The following HAUS6 variants were observed in gnomAD, a reference collection of about 807,000 sequenced individuals.
The protein encoded by HAUS6 is HAUS augmin like complex subunit 6, also known as HAUS augmin-like complex subunit 6.
In HAUS6, 80 loss-of-function variants were observed where a neutral mutation model predicts 106.8. The observed-to-expected ratio is 0.75, with a 90% CI of 0.63 to 0.90. The LOEUF is 0.90. HAUS6 is among the 40% of genes least tolerant of loss of function. The pLI is 0.00. For synonymous variants in HAUS6, 356 were observed against 379.1 expected, an observed-to-expected ratio of 0.94 and a Z score of 0.71; for missense variants, 1,155 against 1,118.1, an observed-to-expected ratio of 1.03 and a Z score of -0.47.
chr9:19,059,445 T>C (rs754747908), intron 15 of HAUS6, among the ~76,000 whole-genome samples: 2 of 152,234 alleles, frequency 1.3e-5, no homozygotes, highest in Non-Finnish European at 2.9e-5. Flanking sequence ...TTATGTTCAA[T>C]ACAATTTTAT....
At chr9:19,089,615 T>A in intron 4 of HAUS6, 56 bp from the exon 5 acceptor site, 4 of 1,360,652 alleles carry the variant, frequency 2.9e-6, no homozygotes, top group Non-Finnish European at 4.1e-6. Flanking sequence ...AGTAGTGGGT[T>A]ATCAGAAATG....
rs774441126 is a variant in HAUS6, at chr9:19,089,400, G to A, written c.584+12C>T. 1 of 1,553,424 alleles carries A rather than the reference G, an allele frequency of 6.4e-7. No individual in the cohort carries two copies. Among genetic ancestry groups the A allele is most frequent in the South Asian group, 1.1e-5 (1 of 89,666 alleles). On this transcript the variant is annotated intron_variant, in intron 5 of 16. Transcript: ENST00000380502. The stretch of plus-strand genomic sequence containing the variant: ...AAAGAAATTATTTTCTAACTATCAA[G>A]GTACTACTTACTGTGCATTTTCCTG...
chr9:19,080,330 A>G (rs1310667938), intron 9 of HAUS6, 149 bp downstream of exon 9: 2 of 590,460 alleles, frequency 3.4e-6, no homozygotes, highest in Non-Finnish European at 6.0e-6. Context: ...CTTCATGTAT[A>G]TCTCCAAGAG....
chr9:19,092,192 T>C (rs10963958), intron 4 of HAUS6, among the ~76,000 whole-genome samples: 12,491 of 151,834 alleles, frequency 0.082, 558 homozygotes, highest in East Asian at 0.11. Context: ...CACGGTGGCT[T>C]ATGCATGTAA....
At chr9:19,101,874 C>A (rs1588633886) in intron 1 of HAUS6, among the ~76,000 whole-genome samples, 1 of 152,084 alleles carries the variant, frequency 6.6e-6, no homozygotes, top group Non-Finnish European at 1.5e-5. Flanking sequence ...GAGCCGAGAT[C>A]GTGCCACTGC....
In HAUS6 at chr9:19,056,157, G is replaced by C. The variant is rs1836463666; in HGVS notation, c.*186C>G. 1.2e-5 allele frequency: 6 copies of C among 500,190 alleles called. No individual in the cohort carries two copies. Among genetic ancestry groups the C allele is most frequent in the South Asian group, 3.8e-5 (1 of 26,652 alleles). The allele number at this position is 500,190 out of a possible 1,614,324, so 31.0% of individuals were successfully genotyped here. ...TTTCAATCTCATATACCTACAAAGAGGAAAAAATCCAAACATACTTTCCTT... is the reference window on the plus strand; with the variant it reads ...TTTCAATCTCATATACCTACAAAGACGAAAAAATCCAAACATACTTTCCTT... On this transcript the variant is annotated 3_prime_UTR_variant, in exon 17 of 17. Transcript: ENST00000380502.
intron 9 of HAUS6, among the ~76,000 whole-genome samples, chr9:19,079,204 A>G (rs961858049): frequency 4.1e-5 from 6 of 147,938 alleles, no homozygotes; most frequent in African/African-American, 1.2e-4. Flanking sequence ...TAATACATCT[A>G]TTACTCCATT....
chr9:19,089,612 G>A, intron 4 of HAUS6, 53 bp from the exon 5 acceptor site: 1 of 1,385,134 alleles, frequency 7.2e-7, no homozygotes. Context: ...GATAGTAGTG[G>A]GTTATCAGAA....
At chr9:19,056,489 A>T (rs1255359144) in intron 16 of HAUS6, 85 bp from the exon 17 acceptor site, 3 of 767,564 alleles carry the variant, frequency 3.9e-6, no homozygotes, top group Non-Finnish European at 6.9e-6. Context: ...ATTTTAGTCA[A>T]TACAAAAAAG....
At chr9:19,065,860 A>G (rs1836750858) in intron 12 of HAUS6, among the ~76,000 whole-genome samples, 1 of 152,122 alleles carries the variant, frequency 6.6e-6, no homozygotes, top group Non-Finnish European at 1.5e-5. Context: ...ATTAATGAAT[A>G]AAATTTTGTA....
At chr9:19,096,804 A>G (rs755688569) in intron 1 of HAUS6, 35 bp from the exon 2 acceptor site, 1 of 1,012,400 alleles carries the variant, frequency 9.9e-7, no homozygotes, top group South Asian at 1.5e-5. Flanking sequence ...ATAGAAAAAG[A>G]AAAAGGTTAA....
intron 11 of HAUS6, chr9:19,073,991 T>TA (rs1836933996): frequency 6.6e-6 from 1 of 152,222 alleles, no homozygotes; most frequent in Non-Finnish European, 1.5e-5. Context: ...CTCACACCTG[T>TA]AATCCCAGCA....
At chr9:19,076,811 G>C (rs998530986) in intron 10 of HAUS6, 107 bp from the exon 11 acceptor site, 4 of 622,738 alleles carry the variant, frequency 6.4e-6, no homozygotes, top group Non-Finnish European at 1.2e-5. Context: ...AAGAAAGTCA[G>C]AATTACCAAG....
chr9:19,078,816 A>C (rs1031495854), intron 9 of HAUS6, among the ~76,000 whole-genome samples: 9 of 147,714 alleles, frequency 6.1e-5, no homozygotes, highest in Admixed American at 6.1e-4. Context: ...AAAATAAATA[A>C]ATAAATAAAT....
chr9:19,097,947 T>C (rs1188662965), intron 1 of HAUS6, among the ~76,000 whole-genome samples: 1 of 152,230 alleles, frequency 6.6e-6, no homozygotes, highest in Non-Finnish European at 1.5e-5. Flanking sequence ...TTCCTATGCC[T>C]ATCCATTTGT....
intron 11 of HAUS6, among the ~76,000 whole-genome samples, chr9:19,070,682 ATATT>A (rs1836865078): frequency 6.6e-6 from 1 of 152,232 alleles, no homozygotes; most frequent in Admixed American, 6.5e-5. Context: ...GTCAACCTAT[ATATT>A]TATTCTTCAA....
chr9:19,072,805 G>A (rs1324148708), intron 11 of HAUS6, among the ~76,000 whole-genome samples: 1 of 151,958 alleles, frequency 6.6e-6, no homozygotes, highest in Non-Finnish European at 1.5e-5. Context: ...TAATCGTGTT[G>A]CTCAATTTAA....
At chr9:19,080,809 T>A (rs1047425635) in intron 8 of HAUS6, 137 bp from the exon 9 acceptor site, 2 of 594,088 alleles carry the variant, frequency 3.4e-6, no homozygotes, top group Non-Finnish European at 5.9e-6. Context: ...GGCTCACACC[T>A]GTAATCCCAG....
chr9:19,068,878 A>G (rs1836824500), intron 12 of HAUS6, among the ~76,000 whole-genome samples: 2 of 151,498 alleles, frequency 1.3e-5, no homozygotes, highest in South Asian at 2.1e-4. Context: ...GATAATAGAG[A>G]AAAAAAAAGG....
Sources: allele counts gnomAD v4.1 joint callset (sites outside exome capture counted in the v4.1 genomes callset), GRCh38; gene constraint gnomAD v4.1.1; transcripts MANE v1.5; gene names NCBI Gene and HGNC (gene_info 2026-07-23, HGNC 2026-07-21).